Variants in BCAS3 observed in about 807,000 individuals in gnomAD.
BCAS3 encodes the protein BCAS3 microtubule associated cell migration factor.
A neutral mutation model predicts 116.1 loss-of-function variants in BCAS3; 53 were observed. That is an observed-to-expected ratio of 0.46 (90% CI 0.37 to 0.57). BCAS3 has a LOEUF of 0.57. Among genes scored for constraint, BCAS3 ranks in the 20% least tolerant of loss-of-function variants. The pLI is 0.00. For missense variants in BCAS3, 917 were observed against 1,165.4 expected, an observed-to-expected ratio of 0.79 and a Z score of 3.10; for synonymous variants, 391 against 408.2, an observed-to-expected ratio of 0.96 and a Z score of 0.51.
chr17:60,834,610 A>G (rs2051209355), intron 7 of BCAS3, among the ~76,000 whole-genome samples: 1 of 152,032 alleles, frequency 6.6e-6, no homozygotes, highest in South Asian at 2.1e-4. Context: ...CTTTCACAGT[A>G]TAGTAGTATA....
At chr17:60,740,827 G>T (rs1333219496) in intron 5 of BCAS3, among the ~76,000 whole-genome samples, 1 of 152,104 alleles carries the variant, frequency 6.6e-6, no homozygotes, top group East Asian at 1.9e-4. Flanking sequence ...GCTTTGTTAA[G>T]AACAGAATGA....
intron 20 of BCAS3, among the ~76,000 whole-genome samples, chr17:61,075,424 C>G (rs890190112): frequency 6.6e-6 from 1 of 152,184 alleles, no homozygotes; most frequent in Admixed American, 6.5e-5. Context: ...AAGCGATTCT[C>G]ATGCCTCAGC....
At chr17:61,075,153 A>G (rs746477508) in intron 20 of BCAS3, 133 bp downstream of exon 20, 35 of 664,230 alleles carry the variant, frequency 5.3e-5, no homozygotes, top group Admixed American at 1.5e-4. Flanking sequence ...TTGTCTTTCC[A>G]TATTACAAAT....
At chr17:60,924,029 A>G (rs1042468514) in intron 12 of BCAS3, among the ~76,000 whole-genome samples, 5 of 152,198 alleles carry the variant, frequency 3.3e-5, no homozygotes, top group African/African-American at 9.6e-5. Context: ...TTCCCAGCAG[A>G]TCGCATAACA....
At chr17:61,009,109 A>G (rs940572267) in intron 15 of BCAS3, among the ~76,000 whole-genome samples, 9 of 152,086 alleles carry the variant, frequency 5.9e-5, no homozygotes, top group Non-Finnish European at 1.2e-4. Context: ...GTAAACCTTC[A>G]GAAAAGTGGA....
At chr17:61,236,346 G>C (rs1459698526) in intron 22 of BCAS3, among the ~76,000 whole-genome samples, 1 of 152,154 alleles carries the variant, frequency 6.6e-6, no homozygotes. Flanking sequence ...TTGAGATGGA[G>C]TCTCGCTCTG....
rs536610222 is a variant in BCAS3, at chr17:61,329,516, AT to A, written c.2426-38805del. ...CCACCACGCCCGGCTAATTTTTTGT[AT>A]TTTTTAGTAGAGACGGGGTTTCACC... On this transcript the variant is annotated intron_variant, in intron 22 of 23. Transcript: ENST00000407086. 3.0e-3 allele frequency among the ~76,000 whole-genome samples: 449 copies of A among 150,096 alleles called. 11 individuals are homozygous for A. Among genetic ancestry groups the A allele is most frequent in the Admixed American group, 0.027 (410 of 15,084 alleles).
intron 22 of BCAS3, among the ~76,000 whole-genome samples, chr17:61,294,167 A>AT (rs1218708719): frequency 3.3e-5 from 5 of 152,236 alleles, no homozygotes; most frequent in Admixed American, 2.6e-4. Context: ...AATACAATAA[A>AT]TGTATAGAAC....
intron 6 of BCAS3, among the ~76,000 whole-genome samples, chr17:60,801,368 A>AT (rs891777274): frequency 1.3e-5 from 2 of 151,848 alleles, no homozygotes; most frequent in Non-Finnish European, 2.9e-5. Context: ...GGACTAACTG[A>AT]TTCTAGTTTT....
Position 61,244,765 on chromosome 17 carries a change from A to C in BCAS3, c.2426-123562A>C, listed in dbSNP as rs1268839673. On this transcript the variant is annotated intron_variant, in intron 22 of 23. Coordinates refer to ENST00000407086, the MANE Select transcript of BCAS3 (RefSeq NM_017679.5). This position sits in a 1 kb window ranked among gnomAD's most constrained non-coding sequence, Gnocchi z 4.9. ...GTAGTCCCAGTTACTTGGGAGAATG[A>C]GGCAGGAGAATGGCATGAACCCAGG... Among the ~76,000 whole-genome samples, 1 of 152,130 alleles carries C rather than the reference A, an allele frequency of 6.6e-6. No homozygotes were observed. Among genetic ancestry groups the C allele is most frequent in the East Asian group, 1.9e-4 (1 of 5,192 alleles).
chr17:61,142,245 G>A (rs1051948543), intron 22 of BCAS3, among the ~76,000 whole-genome samples: 4 of 152,104 alleles, frequency 2.6e-5, no homozygotes, highest in African/African-American at 7.2e-5. Flanking sequence ...TTATTTGCCC[G>A]GTTAGTAATT....
Position 61,262,976 on chromosome 17 carries a change from G to A in BCAS3, c.2426-105351G>A, listed in dbSNP as rs151178502. ...CAAAGTGCTGGGATTACAGGCATGA[G>A]CCACTGTGCCTGGCCCAGGAGACTT... is the stretch of plus-strand genomic sequence containing the variant. On this transcript the variant is annotated intron_variant, in intron 22 of 23. Coordinates refer to ENST00000407086, the MANE Select transcript of BCAS3 (RefSeq NM_017679.5). Among the ~76,000 whole-genome samples, 670 of 152,346 alleles carry A rather than the reference G, an allele frequency of 4.4e-3. 4 individuals are homozygous for A. The highest frequency in any genetic ancestry group is 0.014 in the Middle Eastern group (4 of 294).
chr17:61,341,223 T>G (rs941436042), intron 22 of BCAS3, among the ~76,000 whole-genome samples: 1 of 151,966 alleles, frequency 6.6e-6, no homozygotes, highest in African/African-American at 2.4e-5. Flanking sequence ...ACAGTCAAAG[T>G]TGGGGGTTTT....
At chr17:61,272,824 A>C (rs1412239215) in intron 22 of BCAS3, among the ~76,000 whole-genome samples, 2 of 151,816 alleles carry the variant, frequency 1.3e-5, no homozygotes, top group Non-Finnish European at 2.9e-5. Context: ...TATCTGCCCC[A>C]ATCTAGATGT....
chr17:60,953,769 T>C (rs2060972333), intron 14 of BCAS3, among the ~76,000 whole-genome samples: 1 of 151,922 alleles, frequency 6.6e-6, no homozygotes, highest in Non-Finnish European at 1.5e-5. Context: ...GTCTCGTTTT[T>C]GTCACCCAGG....
At chr17:61,045,312 C>T (rs1461285374) in intron 19 of BCAS3, among the ~76,000 whole-genome samples, 1 of 151,402 alleles carries the variant, frequency 6.6e-6, no homozygotes, top group Non-Finnish European at 1.5e-5. Context: ...AGTTCAAGAC[C>T]ATCCTGGGCA....
At chr17:60,949,465 G>A (rs1325654771) in intron 14 of BCAS3, among the ~76,000 whole-genome samples, 1 of 151,710 alleles carries the variant, frequency 6.6e-6, no homozygotes, top group Non-Finnish European at 1.5e-5. Flanking sequence ...ATGACACTAT[G>A]TTGTCTCACT....
intron 6 of BCAS3, among the ~76,000 whole-genome samples, chr17:60,757,392 ATATGTGTG>A (rs1292472261): frequency 7.5e-6 from 1 of 132,696 alleles, no homozygotes; most frequent in African/African-American, 3.4e-5. Flanking sequence ...GCCAGCATGT[ATATGTGTG>A]TGTGTGTGTG....
chr17:60,869,851 A>G (rs1425863867), intron 8 of BCAS3, among the ~76,000 whole-genome samples: 1 of 152,208 alleles, frequency 6.6e-6, no homozygotes, highest in African/African-American at 2.4e-5. Context: ...ATGTGAACAC[A>G]TACTAAAAAG....
Sources: gnomAD v4.1 joint callset for allele counts (sites outside exome capture counted in the v4.1 genomes callset) on GRCh38, gnomAD v4.1.1 for gene constraint, Gnocchi (gnomAD v3.1) non-coding constraint, MANE v1.5 for transcripts, NCBI Gene and HGNC (gene_info 2026-07-23, HGNC 2026-07-21) for gene names.